Variants in APBA1 observed in about 807,000 individuals in gnomAD.
The protein encoded by APBA1 is amyloid-beta A4 precursor protein-binding family A member 1.
APBA1 carries 55 observed loss-of-function variants against 86.6 expected under a neutral mutation model. The observed-to-expected ratio is 0.64, with a 90% confidence interval of 0.51 to 0.80. The LOEUF (loss-of-function observed/expected upper bound fraction) is 0.80. Among genes scored for constraint, APBA1 ranks in the 30% least tolerant of loss-of-function variants. APBA1 has a pLI of 0.00. For synonymous variants in APBA1, 511 were observed against 493.9 expected (o/e 1.03, Z -0.46); for missense variants, 1,090 against 1,183.0 (o/e 0.92, Z 1.15).
chr9:69,618,334 C>T (rs549871397), intron 1 of APBA1, among the ~76,000 whole-genome samples: 62 of 152,180 alleles, frequency 4.1e-4, no homozygotes, highest in Non-Finnish European at 7.1e-4. Flanking sequence ...TCTCTTGACT[C>T]AATTTAATTC....
Position 69,458,244 on chromosome 9 carries a change from ACTC to A in APBA1, c.1483-59_1483-57del. 3 of 1,522,570 alleles carry A rather than the reference ACTC, an allele frequency of 2.0e-6. No individual in the cohort carries two copies. The Admixed American group carries it at 6.1e-5, about 31-fold the overall frequency. The allele number at this position is 1,522,570 out of a possible 1,614,324, so 94.3% of individuals were successfully genotyped here. On this transcript the variant is annotated intron_variant, in intron 5 of 12. Transcript: ENST00000265381. ...GAATAGTTAGAAAGAATGTGTAGAG[ACTC>A]AAAGTCAAAAAGGGAATTGACAAAC...
At position 69,476,163 on chromosome 9, in the gene APBA1, AAC is replaced by A. The variant is rs746187695; in HGVS notation, c.1201-22_1201-21del. ...CGGAGACTAGAACACAGCAAGAGGA[AAC>A]ACAGTGAGAACTTGAGAGACTCGGC... On this transcript the variant is annotated intron_variant, in intron 2 of 12. Transcript: ENST00000265381. 19 of 1,583,172 alleles carry A rather than the reference AAC, an allele frequency of 1.2e-5. No homozygotes were observed. The highest frequency in any genetic ancestry group is 1.3e-5 in the Non-Finnish European group (15 of 1,155,168).
At chr9:69,597,364 T>C (rs1822249386) in intron 1 of APBA1, among the ~76,000 whole-genome samples, 1 of 152,138 alleles carries the variant, frequency 6.6e-6, no homozygotes, top group Non-Finnish European at 1.5e-5. Flanking sequence ...GATGGGGTTG[T>C]TTTTTTCTTG....
chr9:69,597,443 T>C (rs1822251226), intron 1 of APBA1, among the ~76,000 whole-genome samples: 2 of 152,320 alleles, frequency 1.3e-5, no homozygotes, highest in Middle Eastern at 3.4e-3. Context: ...TTGCGAAAAT[T>C]GTCTCCCATT....
At chr9:69,431,980 A>C (rs761866247) in intron 12 of APBA1, among the ~76,000 whole-genome samples, 1 of 137,612 alleles carries the variant, frequency 7.3e-6, no homozygotes, top group Non-Finnish European at 1.5e-5. Flanking sequence ...CAGCAGTGAT[A>C]AATGAATGAC....
At chr9:69,631,910 G>A (rs1823055394) in intron 1 of APBA1, among the ~76,000 whole-genome samples, 1 of 152,074 alleles carries the variant, frequency 6.6e-6, no homozygotes, top group Non-Finnish European at 1.5e-5. Flanking sequence ...CTGTCGTGGG[G>A]TTGGGGAGGG....
At chr9:69,638,011 G>T (rs1823215688) in intron 1 of APBA1, among the ~76,000 whole-genome samples, 1 of 152,212 alleles carries the variant, frequency 6.6e-6, no homozygotes, top group Non-Finnish European at 1.5e-5. Context: ...ACATTACCAT[G>T]AATGCCTTCT....
intron 1 of APBA1, among the ~76,000 whole-genome samples, chr9:69,581,229 G>C (rs1821908189): frequency 6.6e-6 from 1 of 152,110 alleles, no homozygotes; most frequent in East Asian, 1.9e-4. Context: ...ACCCTGCCCT[G>C]CAATTTCTTC....
intron 10 of APBA1, among the ~76,000 whole-genome samples, chr9:69,445,863 CTGCAGACTGGTGA>C (rs1312854755): frequency 6.6e-6 from 1 of 152,120 alleles, no homozygotes; most frequent in Non-Finnish European, 1.5e-5. Flanking sequence ...AAAGTGTAGC[CTGCAGACTGGTGA>C]TGCCATCCCC....
At chr9:69,528,689 C>G (rs72717200) in intron 1 of APBA1, among the ~76,000 whole-genome samples, 4,766 of 152,128 alleles carry the variant, frequency 0.031, 105 homozygotes, top group Middle Eastern at 0.099. Context: ...CTACACTACA[C>G]TAAGTGGGGG....
At chr9:69,437,359 C>T (rs1482700847) in intron 11 of APBA1, among the ~76,000 whole-genome samples, 2 of 149,182 alleles carry the variant, frequency 1.3e-5, no homozygotes, top group African/African-American at 5.0e-5. Flanking sequence ...ATGCTACCAG[C>T]TCCTCCTTGT....
At chr9:69,668,643 C>A (rs187855614) in intron 1 of APBA1, among the ~76,000 whole-genome samples, 1 of 152,336 alleles carries the variant, frequency 6.6e-6, no homozygotes, top group East Asian at 1.9e-4. Context: ...AATCCACACT[C>A]CTTAGCTTGG....
At position 69,483,233 on chromosome 9, in the gene APBA1, T is replaced by C. The variant is rs189126631; in HGVS notation, c.1201-7090A>G. ...GCGCTGCTTCACAGTCTGTTGGCAA[T>C]GTTTGACAAAAGGCATAAAACACAG... On this transcript the variant is annotated intron_variant, in intron 2 of 12. Transcript: ENST00000265381. Among the ~76,000 whole-genome samples, 420 of 149,118 alleles carry C rather than the reference T, an allele frequency of 2.8e-3. 2 individuals carry two copies. The highest frequency in any genetic ancestry group is 9.9e-3 in the African/African-American group (402 of 40,706).
intron 2 of APBA1, among the ~76,000 whole-genome samples, chr9:69,481,780 T>C (rs1835513912): frequency 6.6e-6 from 1 of 151,164 alleles, no homozygotes; most frequent in African/African-American, 2.4e-5. Context: ...GAGATATAGA[T>C]CAATGGAACA....
chr9:69,448,946 C>A (rs183834717), intron 10 of APBA1, among the ~76,000 whole-genome samples: 1 of 152,318 alleles, frequency 6.6e-6, no homozygotes, highest in Admixed American at 6.5e-5. Flanking sequence ...CAAGTATTCA[C>A]ATTTAATTTT....
At chr9:69,561,331 A>G (rs1484197010) in intron 1 of APBA1, among the ~76,000 whole-genome samples, 3 of 152,224 alleles carry the variant, frequency 2.0e-5, no homozygotes, top group Non-Finnish European at 4.4e-5. Flanking sequence ...GTAGATCAGG[A>G]AAAAACAGCT....
intron 1 of APBA1, among the ~76,000 whole-genome samples, chr9:69,636,985 A>T (rs558072197): frequency 7.3e-6 from 1 of 137,472 alleles, no homozygotes; most frequent in Admixed American, 7.6e-5. Context: ...GAAAGAAAGA[A>T]AAATGTGATA....
At chr9:69,571,448 A>G (rs1837112935) in intron 1 of APBA1, among the ~76,000 whole-genome samples, 1 of 152,248 alleles carries the variant, frequency 6.6e-6, no homozygotes, top group Non-Finnish European at 1.5e-5. Context: ...ATAATGTTAA[A>G]TAACAAATAC....
At chr9:69,529,056 C>T (rs1166793798) in intron 1 of APBA1, among the ~76,000 whole-genome samples, 2 of 152,066 alleles carry the variant, frequency 1.3e-5, no homozygotes, top group African/African-American at 4.8e-5. Flanking sequence ...TAGCATCTTC[C>T]TTCTCCAAAT....
Sources: allele counts gnomAD v4.1 joint callset (sites outside exome capture counted in the v4.1 genomes callset), GRCh38; gene constraint gnomAD v4.1.1; transcripts MANE v1.5; gene names NCBI Gene and HGNC (gene_info 2026-07-23, HGNC 2026-07-21).